Variants in GKAP1 observed in about 807,000 individuals in gnomAD.
GKAP1 encodes the protein G kinase anchoring protein 1, also known as G kinase-anchoring protein 1.
Under a neutral mutation model 56.7 loss-of-function variants are expected in GKAP1, and 31 were observed. That is an observed-to-expected ratio of 0.55 (90% confidence interval 0.41 to 0.74). The LOEUF (loss-of-function observed/expected upper bound fraction) is 0.74. Among genes scored for constraint, GKAP1 ranks in the 30% least tolerant of loss-of-function variants. The pLI is 0.00. For synonymous variants in GKAP1, 151 were observed against 138.6 expected, an observed-to-expected ratio of 1.09 and a Z score of -0.63; for missense variants, 364 against 402.3, an observed-to-expected ratio of 0.90 and a Z score of 0.82.
At chr9:83,813,930 T>C (rs1944546327) in intron 2 of GKAP1, among the ~76,000 whole-genome samples, 1 of 152,102 alleles carries the variant, frequency 6.6e-6, no homozygotes, top group Non-Finnish European at 1.5e-5. Flanking sequence ...GCAAAACCCC[T>C]TCTCTACAAA....
intron 2 of GKAP1, among the ~76,000 whole-genome samples, chr9:83,807,241 T>C (rs73648572): frequency 0.021 from 3,122 of 152,290 alleles, 106 homozygotes; most frequent in African/African-American, 0.069. Context: ...CCCCTAGTAG[T>C]TCCTAATCCA....
intron 9 of GKAP1, 184 bp from the exon 10 acceptor site, chr9:83,748,556 T>A (rs1229900055): frequency 4.9e-6 from 2 of 411,260 alleles, no homozygotes; most frequent in Non-Finnish European, 8.7e-6. Flanking sequence ...CCTGGCACAA[T>A]AATACATATC....
chr9:83,812,890 T>C (rs1944531704), intron 2 of GKAP1, among the ~76,000 whole-genome samples: 6 of 152,174 alleles, frequency 3.9e-5, no homozygotes, highest in Admixed American at 3.9e-4. Context: ...TGTTGCATAC[T>C]TTTAAGAGAA....
intron 10 of GKAP1, among the ~76,000 whole-genome samples, chr9:83,743,260 CA>C (rs1943237901): frequency 6.6e-6 from 1 of 152,100 alleles, no homozygotes; most frequent in Non-Finnish European, 1.5e-5. Flanking sequence ...CAAAATTTCA[CA>C]TATGGAAAAA....
intron 2 of GKAP1, among the ~76,000 whole-genome samples, chr9:83,809,556 A>G (rs1944480618): frequency 6.6e-6 from 1 of 152,256 alleles, no homozygotes; most frequent in South Asian, 2.1e-4. Context: ...ACACAGTAGA[A>G]TAAGCAGCAA....
rs1587683987 is a variant in GKAP1, at chr9:83,742,108, T to C, written c.976-79A>G. On this transcript the variant is annotated intron_variant, in intron 11 of 12. Transcript: ENST00000376371. Reference sequence around the variant, plus strand: ...TCAATTCTTAACATATTCACAATGATAGGTTTTTGACAGCTAAATGGATGA... The same window carrying C: ...TCAATTCTTAACATATTCACAATGACAGGTTTTTGACAGCTAAATGGATGA... 4.1e-5 allele frequency: 35 copies of C among 849,450 alleles called. No individual in the cohort carries two copies. In the East Asian group the frequency reaches 8.7e-4, roughly 21 times the overall value. The allele number at this position is 849,450 out of a possible 1,614,324, so 52.6% of individuals were successfully genotyped here. A position where few individuals can be genotyped will look rare whatever the true frequency, so the allele number is the denominator to read the frequency against.
intron 8 of GKAP1, among the ~76,000 whole-genome samples, chr9:83,768,569 C>T (rs1587706960): frequency 6.6e-6 from 1 of 152,142 alleles, no homozygotes; most frequent in South Asian, 2.1e-4. Flanking sequence ...CTCCCTCATA[C>T]GAGTGCCTAA....
chr9:83,764,858 C>A (rs953144015), intron 8 of GKAP1, among the ~76,000 whole-genome samples: 7 of 152,144 alleles, frequency 4.6e-5, no homozygotes, highest in African/African-American at 1.4e-4. Flanking sequence ...AGCAGCAAGG[C>A]ATTCAAGAGG....
At chr9:83,765,539 A>G (rs979527544) in intron 8 of GKAP1, among the ~76,000 whole-genome samples, 4 of 152,212 alleles carry the variant, frequency 2.6e-5, no homozygotes, top group African/African-American at 7.2e-5. Context: ...GCAGACACTC[A>G]ATGCCAGCCG....
Position 83,753,337 on chromosome 9 carries a change from C to T in GKAP1, c.761G>A (p.Arg254Lys). The T allele has an allele frequency of 6.2e-7, 1 of 1,606,104 alleles. No individual in the cohort carries two copies. The highest frequency in any genetic ancestry group is 1.7e-5 in the Admixed American group (1 of 59,844). The change falls in exon 9 of 13, where the codon AGA becomes AAA. Residue 254 changes from arginine to lysine, a missense_variant. By Grantham distance (26) the Arg-to-Lys change is conservative. Transcript: ENST00000376371. ...HNQEVVLKDG[R>K]IERLKLELER... ...AAGCTCTAACTTTAGTCTTTCAATT[C>T]TTCCATCTTTCAGAACCACTTCCTG...
chr9:83,816,003 A>C (rs1157735496), intron 2 of GKAP1, among the ~76,000 whole-genome samples: 3 of 146,980 alleles, frequency 2.0e-5, no homozygotes, highest in African/African-American at 7.7e-5. Context: ...CTGGCCAACA[A>C]GGCGAAACAC....
chr9:83,774,669 C>G (rs140921561), intron 7 of GKAP1, among the ~76,000 whole-genome samples: 2 of 140,106 alleles, frequency 1.4e-5, no homozygotes, highest in Non-Finnish European at 3.1e-5. Flanking sequence ...AGCTTCGGCA[C>G]AGCAAAAGAA....
At chr9:83,764,769 T>C (rs939457172) in intron 8 of GKAP1, among the ~76,000 whole-genome samples, 1 of 152,132 alleles carries the variant, frequency 6.6e-6, no homozygotes, top group Non-Finnish European at 1.5e-5. Flanking sequence ...ACTGGTAGCT[T>C]TTTGCCCCTG....
chr9:83,764,027 C>T (rs1943620107), intron 8 of GKAP1, among the ~76,000 whole-genome samples: 1 of 152,092 alleles, frequency 6.6e-6, no homozygotes, highest in African/African-American at 2.4e-5. Flanking sequence ...AAATATCATT[C>T]CTTCTATCCA....
chr9:83,788,763 G>A (rs535232196), intron 4 of GKAP1, 85 bp from the exon 5 acceptor site: 185 of 708,912 alleles, frequency 2.6e-4, no homozygotes, highest in Non-Finnish European at 3.6e-4. Flanking sequence ...ATATACAGAG[G>A]AAAAGAAAGC....
chr9:83,798,009 T>C (rs948877471), intron 4 of GKAP1, among the ~76,000 whole-genome samples: 11 of 152,212 alleles, frequency 7.2e-5, no homozygotes, highest in Non-Finnish European at 1.3e-4. Flanking sequence ...AGTATACCAG[T>C]ACCTGGAACT....
intron 10 of GKAP1, 75 bp from the exon 11 acceptor site, chr9:83,742,675 G>A (rs775941020): frequency 1.2e-6 from 1 of 837,432 alleles, no homozygotes; most frequent in South Asian, 1.5e-5. Context: ...AGGGAACTAA[G>A]ACATAGCAGT....
chr9:83,756,490 A>AAAGAAAAC (rs1943479348), intron 8 of GKAP1, among the ~76,000 whole-genome samples: 1 of 144,844 alleles, frequency 6.9e-6, no homozygotes, highest in African/African-American at 2.5e-5. Context: ...AAAAAAAAAA[A>AAAGAAAAC]AAGAAAACAA....
chr9:83,808,283 C>T (rs1046481636), intron 2 of GKAP1, among the ~76,000 whole-genome samples: 3 of 152,118 alleles, frequency 2.0e-5, no homozygotes, highest in Admixed American at 6.6e-5. Context: ...TCTGCTTCAA[C>T]CTCAACATAT....
Sources: allele counts gnomAD v4.1 joint callset (sites outside exome capture counted in the v4.1 genomes callset), GRCh38; gene constraint gnomAD v4.1.1; transcripts MANE v1.5; gene names NCBI Gene and HGNC (gene_info 2026-07-23, HGNC 2026-07-21).